The following TTN variants were observed in gnomAD, a reference collection of about 807,000 sequenced individuals.
TTN encodes the protein connectin.
TTN carries 1,525 observed loss-of-function variants against 3,223.0 expected under a neutral mutation model. The observed-to-expected ratio is 0.47, with a 90% confidence interval of 0.45 to 0.49. The LOEUF (loss-of-function observed/expected upper bound fraction) is 0.49, where lower values mean the gene tolerates loss of function less well. TTN is among the 20% of genes least tolerant of loss of function. TTN has a pLI of 0.00. For synonymous variants in TTN, 14,094 were observed against 15,161.0 expected, an observed-to-expected ratio of 0.93 and a Z score of 5.17; for missense variants, 40,786 against 43,424.0, an observed-to-expected ratio of 0.94 and a Z score of 5.40.
chr2:178,604,768 T>A lies in TTN; in HGVS notation c.54321A>T (p.Ala18107=), dbSNP rs368021072. ...ITHYVIDKRD[A]SRKKAEWEEV... is the part of the protein sequence containing the mutation. ...CCTCCCATTCTGCTTTCTTCCTACT[T>A]GCATCACGTTTGTCAATAACATAAT... Residue 18107 remains alanine, a synonymous_variant, in exon 281 of 363, where the codon GCA becomes GCT. Coordinates refer to ENST00000589042, the MANE Select transcript of TTN (RefSeq NM_001267550.2). The A allele has an allele frequency of 6.2e-6, 10 of 1,612,142 alleles. No individual in the cohort carries two copies. Among genetic ancestry groups the A allele is most frequent in the Non-Finnish European group, 7.6e-6 (9 of 1,178,918 alleles).
At chr2:178,738,487 G>T in intron 48 of TTN, 127 bp from the exon 49 acceptor site, 1 of 1,153,990 alleles carries the variant, frequency 8.7e-7, no homozygotes, top group Non-Finnish European at 1.2e-6. Flanking sequence ...GATTACAGCA[G>T]TTTAAGGCAA....
chr2:178,581,201 G>A (rs751656539), intron 316 of TTN, among the ~76,000 whole-genome samples: 2 of 151,882 alleles, frequency 1.3e-5, no homozygotes, highest in Admixed American at 1.3e-4. Context: ...TAGTTAAAAG[G>A]CCTCTTTATT....
chr2:178,711,193 T>C lies in TTN; in HGVS notation c.28043A>G (p.Gln9348Arg), dbSNP rs1414782408. Reference protein sequence around the residue: ...GKPLKDSPNVQTSFLDNTATL... With the variant: ...GKPLKDSPNVRTSFLDNTATL... ...GGCTGTATTGTCTAAAAATGATGTT[T>C]GTACATTTGGGCTGTCTTTCAATGG... Residue 9348 changes from glutamine to arginine, a missense_variant, in exon 97 of 363, where the codon CAA becomes CGA. Gln to Arg is a conservative substitution (Grantham distance 43, BLOSUM62 1). Transcript: ENST00000589042. 1 of 1,613,746 alleles carries C rather than the reference T, an allele frequency of 6.2e-7. No homozygotes were observed. Among genetic ancestry groups the C allele is most frequent in the Non-Finnish European group, 8.5e-7 (1 of 1,179,812 alleles).
At position 178,569,558 on chromosome 2, in the gene TTN, C is replaced by A. The variant is rs1428374737; in HGVS notation, c.76574G>T (p.Gly25525Val). 6.2e-7 allele frequency: 1 copy of A among 1,612,942 alleles called. No homozygotes were observed. Among genetic ancestry groups the A allele is most frequent in the African/African-American group, 1.3e-5 (1 of 74,834 alleles). Residue 25525 changes from glycine to valine, a missense_variant, in exon 326 of 363, where the codon GGT (glycine) becomes GTT (valine). Physicochemically the swap from Gly to Val is moderately radical, Grantham distance 109. Coordinates refer to ENST00000589042, the MANE Select transcript of TTN (RefSeq NM_001267550.2). ...ELRKIINIRA[G>V]GSLRLFVPIK... ...AGGAACAAATAACCTTAAGGAGCCA[C>A]CTGCCCTTATATTTATGATTTTCCT...
chr2:178,759,682 GA>G (rs546761878), intron 43 of TTN, among the ~76,000 whole-genome samples: 1 of 151,924 alleles, frequency 6.6e-6, no homozygotes, highest in East Asian at 1.9e-4. Flanking sequence ...GAAGGCTGTA[GA>G]AAAAAAATCT....
Position 178,566,692 on chromosome 2 carries a change from T to G in TTN, c.79440A>C (p.Lys26480Asn). ...CAGGTTTGAACACAGGATCACAGGCTTTATAATAAACTGTAGCTGGACTTG... is the reference window on the plus strand; with the variant it reads ...CAGGTTTGAACACAGGATCACAGGCGTTATAATAAACTGTAGCTGGACTTG... ...GEPSPATVYY[K>N]ACDPVFKPGP... The change falls in exon 326 of 363, where the codon AAA becomes AAC. Residue 26480 changes from lysine to asparagine, a missense_variant. Transcript: ENST00000589042. 1.2e-6 allele frequency: 2 copies of G among 1,613,410 alleles called. No homozygotes were observed. Among genetic ancestry groups the G allele is most frequent in the Non-Finnish European group, 1.7e-6 (2 of 1,179,684 alleles).
intron 47 of TTN, chr2:178,745,901 T>C (rs748186880): frequency 1.9e-6 from 3 of 1,611,562 alleles, no homozygotes; most frequent in South Asian, 1.1e-5. Flanking sequence ...ACTGTCTGTG[T>C]AGTTGCTCTT....
rs2048653243 is a variant in TTN, at chr2:178,585,162, C to T, written c.64582G>A (p.Asp21528Asn). 2.5e-6 allele frequency: 4 copies of T among 1,613,260 alleles called. No individual in the cohort carries two copies. Among genetic ancestry groups the T allele is most frequent in the Non-Finnish European group, 3.4e-6 (4 of 1,179,490 alleles). ...ADSSSILIIK[D>N]VTRKDSGYYS... Reference sequence around the variant, plus strand: ...TAACCACTGTCTTTCCTAGTCACATCTTTTATGATCAGAATTGAAGAGCTG... The same window carrying T: ...TAACCACTGTCTTTCCTAGTCACATTTTTTATGATCAGAATTGAAGAGCTG... Residue 21528 changes from aspartate (D) to asparagine (N), a missense_variant, in exon 309 of 363, where the codon GAT (aspartate) becomes AAT (asparagine). Transcript: ENST00000589042.
Position 178,759,004 on chromosome 2 carries a change from G to A in TTN, c.10283C>T (p.Thr3428Ile). ...ASNAVGQVSSTANLSLEGFSK... is the reference protein window; with the variant it reads ...ASNAVGQVSSIANLSLEGFSK... ...TTTACCTTCCAGACTCAGGTTGGCTGTGCTTGATACTTGGCCTACAGCATT... is the reference window on the plus strand; with the variant it reads ...TTTACCTTCCAGACTCAGGTTGGCTATGCTTGATACTTGGCCTACAGCATT... Residue 3428 changes from threonine (T) to isoleucine (I), a missense_variant, in exon 44 of 363, where the codon ACA (threonine) becomes ATA (isoleucine). Transcript: ENST00000589042. The A allele has an allele frequency of 2.5e-6, 4 of 1,614,016 alleles. No individual in the cohort carries two copies. Among genetic ancestry groups the A allele is most frequent in the Non-Finnish European group, 3.4e-6 (4 of 1,179,928 alleles).
Position 178,764,614 on chromosome 2 carries a change from C to T in TTN, c.9901G>A (p.Ala3301Thr), listed in dbSNP as rs1317267651. ...GQEYTLLLIE[A>T]FPEDAAVYTC... Reference sequence around the variant, plus strand: ...TAGACTGCCGCATCCTCTGGGAAGGCTTCAATTAGCAAAAGCGTGTATTCT... The same window carrying T: ...TAGACTGCCGCATCCTCTGGGAAGGTTTCAATTAGCAAAAGCGTGTATTCT... Residue 3301 changes from alanine to threonine, a missense_variant, in exon 42 of 363, where the codon GCC becomes ACC. Physicochemically the swap from Ala to Thr is moderately conservative, Grantham distance 58. Coordinates refer to ENST00000589042, the MANE Select transcript of TTN (RefSeq NM_001267550.2). 1.2e-6 allele frequency: 2 copies of T among 1,614,116 alleles called. No individual in the cohort carries two copies. Among genetic ancestry groups the T allele is most frequent in the South Asian group, 2.2e-5 (2 of 91,076 alleles).
rs748029947 is a variant in TTN, at chr2:178,534,904, A to G, written c.101711T>C (p.Ile33904Thr). ...ATTAAGTTCAAAAGCACTTGTGTTA[A>G]TGCGCTCAAATATGTCAAGTCCTGA... ...FISGLDIFER[I>T]NTSAFELNER... Residue 33904 changes from isoleucine (I) to threonine (T), a missense_variant, in exon 358 of 363, where the codon ATT (isoleucine) becomes ACT (threonine). Ile to Thr is a moderately conservative substitution (Grantham distance 89). Coordinates refer to ENST00000589042, the MANE Select transcript of TTN (RefSeq NM_001267550.2). 11 of 1,609,904 alleles carry G rather than the reference A, an allele frequency of 6.8e-6. No homozygotes were observed. Among genetic ancestry groups the G allele is most frequent in the South Asian group, 1.1e-5 (1 of 91,086 alleles).
chr2:178,759,548 C>G (rs1180899538), intron 43 of TTN, among the ~76,000 whole-genome samples: 2 of 152,154 alleles, frequency 1.3e-5, no homozygotes, highest in Admixed American at 6.6e-5. Flanking sequence ...AAGGTTTGAT[C>G]TGGGCTTGTA....
rs758019778 is a variant in TTN, at chr2:178,589,257, C to T, written c.62468G>A (p.Arg20823His). ...AAGAGAAAATTTAGATGAATCAGCA[C>T]GGGTATCAATCTTGACCCTTGGTGA... ...TRSPRVKIDT[R>H]ADSSKFSLTK... Residue 20823 changes from arginine to histidine, a missense_variant, in exon 304 of 363, where the codon CGT becomes CAT. Transcript: ENST00000589042. 46 of 1,613,352 alleles carry T rather than the reference C, an allele frequency of 2.9e-5. No individual in the cohort carries two copies. The highest frequency in any genetic ancestry group is 2.1e-4 in the South Asian group (19 of 91,076).
chr2:178,664,846 T>G lies in TTN; in HGVS notation c.36118+6A>C, dbSNP rs1211048805. On this transcript the variant is annotated splice_donor_region_variant and intron_variant, in intron 166 of 362. Transcript: ENST00000589042. The stretch of plus-strand genomic sequence containing the variant: ...TTCTTGACCCTGAGAGCATGGTGAC[T>G]TGTACCTTTAACTGATGGGGGTTCT... The G allele has an allele frequency of 6.2e-7, 1 of 1,611,492 alleles. No homozygotes were observed. Among genetic ancestry groups the G allele is most frequent in the Non-Finnish European group, 8.5e-7 (1 of 1,179,464 alleles).
chr2:178,562,483 C>G lies in TTN; in HGVS notation c.83649G>C (p.Lys27883Asn), dbSNP rs878854337. The change falls in exon 326 of 363, where the codon AAG becomes AAC. Residue 27883 changes from lysine (K) to asparagine (N), a missense_variant. Physicochemically the swap from Lys to Asn is moderately conservative, Grantham distance 94. Transcript: ENST00000589042. Reference sequence around the variant, plus strand: ...CACCATCACTTTCTGGTTTCTCCCACTTAATTGTAGCTGTATTACGGGTCA... The same window carrying G: ...CACCATCACTTTCTGGTTTCTCCCAGTTAATTGTAGCTGTATTACGGGTCA... ...VDVTRNTATI[K>N]WEKPESDGGS... The G allele has an allele frequency of 2.5e-6, 4 of 1,613,226 alleles. No homozygotes were observed. In the Admixed American group the frequency reaches 6.7e-5, roughly 27 times the overall value.
intron 47 of TTN, chr2:178,751,618 T>C: frequency 6.2e-7 from 1 of 1,613,174 alleles, no homozygotes; most frequent in South Asian, 1.1e-5. Flanking sequence ...TAACAAGCAA[T>C]GATGCAGTTG....
chr2:178,543,590 A>G lies in TTN; in HGVS notation c.96383T>C (p.Ile32128Thr). The change falls in exon 347 of 363, where the codon ATT (isoleucine) becomes ACT (threonine). Residue 32128 changes from isoleucine (I) to threonine (T), a missense_variant. Coordinates refer to ENST00000589042, the MANE Select transcript of TTN (RefSeq NM_001267550.2). The part of the protein sequence containing the change: ...SRDSVTITWE[I>T]PTIDGGAPVN... ...TGGAGCTCCACCATCAATCGTGGGA[A>G]TTTCCCAAGTTATAGTCACAGAATC... 6.2e-7 allele frequency: 1 copy of G among 1,607,442 alleles called. No homozygotes were observed.
Position 178,535,302 on chromosome 2 carries a change from G to T in TTN, c.101313C>A (p.Ser33771Arg). ...RVIAENKFGL[S>R]KPSEPSEPTI... ...TTGGTTCTGAAGGCTCTGAAGGCTTGCTCAGACCAAATTTATTTTCAGCTA... is the reference window on the plus strand; with the variant it reads ...TTGGTTCTGAAGGCTCTGAAGGCTTTCTCAGACCAAATTTATTTTCAGCTA... Residue 33771 changes from serine to arginine, a missense_variant, in exon 358 of 363, where the codon AGC (serine) becomes AGA (arginine). Physicochemically the swap from Ser to Arg is moderately radical, Grantham distance 110 (BLOSUM62 -1). Coordinates refer to ENST00000589042, the MANE Select transcript of TTN (RefSeq NM_001267550.2). The T allele has an allele frequency of 3.7e-6, 6 of 1,613,790 alleles. No individual in the cohort carries two copies. The highest frequency in any genetic ancestry group is 1.3e-5 in the African/African-American group (1 of 75,020).
chr2:178,781,404 A>G, intron 20 of TTN, 141 bp from the exon 21 acceptor site: 3 of 949,228 alleles, frequency 3.2e-6, no homozygotes, highest in South Asian at 3.1e-5. Context: ...AATAGATTAT[A>G]AGATTGCTGA....
Sources: allele counts gnomAD v4.1 joint callset (sites outside exome capture counted in the v4.1 genomes callset), GRCh38; gene constraint gnomAD v4.1.1; transcripts MANE v1.5; gene names NCBI Gene and HGNC (gene_info 2026-07-23, HGNC 2026-07-21).